Variants in KCNH7 observed in about 807,000 individuals in gnomAD.
KCNH7 encodes the protein potassium voltage-gated channel subfamily H member 7.
Under a neutral mutation model 120.8 loss-of-function variants are expected in KCNH7, and 49 were observed. The ratio of observed to expected loss-of-function variants is 0.41; its 90% CI spans 0.32 to 0.51. The LOEUF is 0.51. Ranked by LOEUF, KCNH7 falls within the 20% of genes least tolerant of loss-of-function variation. KCNH7 has a pLI of 0.38. For missense variants in KCNH7, 1,097 were observed against 1,446.6 expected (o/e 0.76, Z 3.92); for synonymous variants, 547 against 516.1 (o/e 1.06, Z -0.81).
In KCNH7 at chr2:162,376,458, C is replaced by T. The variant is rs146137653; in HGVS notation, c.3132-2796G>A. Reference sequence around the variant, plus strand: ...TCGGCTCGCTGCAACCTCTTTCTCCCGGGTTCAAGCAATTCTCTGCCTCAG... The same window carrying T: ...TCGGCTCGCTGCAACCTCTTTCTCCTGGGTTCAAGCAATTCTCTGCCTCAG... On this transcript the variant is annotated intron_variant, in intron 14 of 15. Coordinates refer to ENST00000332142, the MANE Select transcript of KCNH7 (RefSeq NM_033272.4). 7.9e-5 allele frequency among the ~76,000 whole-genome samples: 12 copies of T among 151,650 alleles called. No individual in the cohort carries two copies. The East Asian group carries it at 2.1e-3, about 27-fold the overall frequency.
chr2:162,396,866 T>C lies in KCNH7; in HGVS notation c.2487A>G (p.Thr829=). 1 of 1,611,844 alleles carries C rather than the reference T, an allele frequency of 6.2e-7. No individual in the cohort carries two copies. The change falls in exon 11 of 16, where the codon ACA becomes ACG. Residue 829 remains threonine (T), a synonymous_variant. Transcript: ENST00000332142. The part of the protein sequence containing the change: ...GKSNADVRAL[T]YCDLHKIQRE... Reference sequence around the variant, plus strand: ...GCTGAATCTTATGCAAGTCACAGTATGTGAGGGCTCTTACATCTGCATTAG... The same window carrying C: ...GCTGAATCTTATGCAAGTCACAGTACGTGAGGGCTCTTACATCTGCATTAG...
At chr2:162,774,390 T>C (rs1683162755) in intron 2 of KCNH7, among the ~76,000 whole-genome samples, 1 of 152,126 alleles carries the variant, frequency 6.6e-6, no homozygotes, top group Non-Finnish European at 1.5e-5. Context: ...AAGAAGGAAT[T>C]GGATAGAAAC....
chr2:162,655,112 T>G (rs1684700079), intron 2 of KCNH7, among the ~76,000 whole-genome samples: 1 of 152,106 alleles, frequency 6.6e-6, no homozygotes, highest in African/African-American at 2.4e-5. Context: ...TGAAAATTGC[T>G]AAGAGAGTAG....
rs1221367937 is a variant in KCNH7, at chr2:162,524,997, C to A, written c.464-6839G>T. On this transcript the variant is annotated intron_variant, in intron 3 of 15. Transcript: ENST00000332142. ...AGTGGCTACCCTGATTAGTGGGTGA[C>A]AAATGGGCCACTGTAGCCAGCGCAG... Among the ~76,000 whole-genome samples, 7 of 151,944 alleles carry A rather than the reference C, an allele frequency of 4.6e-5. No individual in the cohort carries two copies. In the East Asian group the frequency reaches 1.4e-3, roughly 30 times the overall value.
intron 6 of KCNH7, among the ~76,000 whole-genome samples, chr2:162,462,519 G>A (rs1427142814): frequency 2.7e-5 from 4 of 146,384 alleles, no homozygotes; most frequent in African/African-American, 8.1e-5. Flanking sequence ...GAGAGTGAGA[G>A]CAAGAGAGAG....
intron 13 of KCNH7, among the ~76,000 whole-genome samples, chr2:162,382,277 G>T (rs1004432114): frequency 2.6e-5 from 4 of 151,994 alleles, no homozygotes; most frequent in African/African-American, 9.7e-5. Context: ...AGGCTTCCTT[G>T]ATTATAATTT....
At chr2:162,796,696 T>C (rs1684159414) in intron 2 of KCNH7, 1 of 152,096 alleles carries the variant, frequency 6.6e-6, no homozygotes, top group Admixed American at 6.6e-5. Flanking sequence ...CTGTATTATG[T>C]TTAACATGGT....
chr2:162,411,170 C>A (rs1687381024), intron 9 of KCNH7, among the ~76,000 whole-genome samples: 1 of 152,072 alleles, frequency 6.6e-6, no homozygotes, highest in East Asian at 1.9e-4. Context: ...TATTGCAGAA[C>A]TATTCAAAGT....
chr2:162,818,657 T>G (rs2105586314), intron 2 of KCNH7, among the ~76,000 whole-genome samples: 1 of 152,286 alleles, frequency 6.6e-6, no homozygotes, highest in African/African-American at 2.4e-5. Flanking sequence ...TGGACATCTT[T>G]TCAATATTTC....
chr2:162,699,734 TA>T (rs996266805), intron 2 of KCNH7, among the ~76,000 whole-genome samples: 4 of 152,172 alleles, frequency 2.6e-5, no homozygotes, highest in African/African-American at 9.7e-5. Flanking sequence ...TCTAATAACT[TA>T]AAGGACAGCT....
chr2:162,589,501 A>T (rs1443275882), intron 2 of KCNH7, among the ~76,000 whole-genome samples: 1 of 151,424 alleles, frequency 6.6e-6, no homozygotes, highest in African/African-American at 2.4e-5. Flanking sequence ...TTAAAGAAAC[A>T]GAAATTGAAT....
chr2:162,587,027 T>C (rs920523006), intron 2 of KCNH7, among the ~76,000 whole-genome samples: 1 of 152,134 alleles, frequency 6.6e-6, no homozygotes, highest in African/African-American at 2.4e-5. Flanking sequence ...CTAATTCTAC[T>C]GATTAAATGT....
rs369362194 is a variant in KCNH7, at chr2:162,625,386, G to A, written c.308-88306C>T. Among the ~76,000 whole-genome samples the A allele has an allele frequency of 2.2e-3, 338 of 152,276 alleles. 2 individuals are homozygous for A. Among genetic ancestry groups the A allele is most frequent in the African/African-American group, 7.7e-3 (321 of 41,560 alleles). On this transcript the variant is annotated intron_variant, in intron 2 of 15. Coordinates refer to ENST00000332142, the MANE Select transcript of KCNH7 (RefSeq NM_033272.4). ...GAGTTAATGCAGGCAAAGCACTTAGGACTTTACCCAGTATGTGATCAGTCT... is the reference window on the plus strand; with the variant it reads ...GAGTTAATGCAGGCAAAGCACTTAGAACTTTACCCAGTATGTGATCAGTCT...
At chr2:162,781,515 T>C (rs1267656300) in intron 2 of KCNH7, among the ~76,000 whole-genome samples, 2 of 151,796 alleles carry the variant, frequency 1.3e-5, no homozygotes, top group African/African-American at 4.8e-5. Context: ...ATACACCTAG[T>C]GGAAGAGAAT....
At chr2:162,393,264 C>T (rs1023246183) in intron 12 of KCNH7, among the ~76,000 whole-genome samples, 13 of 151,892 alleles carry the variant, frequency 8.6e-5, no homozygotes, top group African/African-American at 2.7e-4. Flanking sequence ...ATGTTGAGTT[C>T]GAGCTGCCTT....
chr2:162,704,267 A>C (rs549706453), intron 2 of KCNH7, among the ~76,000 whole-genome samples: 3 of 152,128 alleles, frequency 2.0e-5, no homozygotes, highest in Non-Finnish European at 4.4e-5. Context: ...GAGTGGGCCA[A>C]TGTTGATAGA....
At chr2:162,562,471 A>G (rs1034708093) in intron 2 of KCNH7, among the ~76,000 whole-genome samples, 4 of 152,186 alleles carry the variant, frequency 2.6e-5, no homozygotes, top group Non-Finnish European at 5.9e-5. Flanking sequence ...GTTCTGAACT[A>G]GTTGCACCGT....
intron 10 of KCNH7, among the ~76,000 whole-genome samples, chr2:162,399,307 A>T (rs1687005116): frequency 6.6e-6 from 1 of 151,706 alleles, no homozygotes; most frequent in African/African-American, 2.4e-5. Flanking sequence ...AAGAAGTACT[A>T]CAAGTTCACA....
At chr2:162,386,204 C>G (rs1049243560) in intron 12 of KCNH7, among the ~76,000 whole-genome samples, 4 of 151,868 alleles carry the variant, frequency 2.6e-5, no homozygotes, top group Admixed American at 6.6e-5. Context: ...TACTCAATCA[C>G]TAATCTAATT....
Sources: gnomAD v4.1 joint callset for allele counts (sites outside exome capture counted in the v4.1 genomes callset) on GRCh38, gnomAD v4.1.1 for gene constraint, MANE v1.5 for transcripts, NCBI Gene and HGNC (gene_info 2026-07-23, HGNC 2026-07-21) for gene names.